Variants in TIAM1 observed in about 807,000 individuals in gnomAD.
TIAM1 encodes rho guanine nucleotide exchange factor TIAM1.
In TIAM1, 65 loss-of-function variants were observed where a neutral mutation model predicts 163.5. The observed-to-expected ratio is 0.40, with a 90% CI of 0.33 to 0.49. The LOEUF (loss-of-function observed/expected upper bound fraction) is 0.49. Among genes scored for constraint, TIAM1 ranks in the 20% least tolerant of loss-of-function variants. The pLI is 0.77. For missense variants in TIAM1, 1,789 were observed against 2,044.7 expected (o/e 0.87, Z 2.41); for synonymous variants, 833 against 810.1 (o/e 1.03, Z -0.48).
intron 1 of TIAM1, among the ~76,000 whole-genome samples, chr21:31,513,416 C>G (rs996694741): frequency 6.6e-6 from 1 of 152,118 alleles, no homozygotes; most frequent in Non-Finnish European, 1.5e-5. Flanking sequence ...TGCCCCTGTT[C>G]GCTATTAAGC....
At chr21:31,385,882 T>TCAA (rs2076861031) in intron 2 of TIAM1, among the ~76,000 whole-genome samples, 1 of 137,096 alleles carries the variant, frequency 7.3e-6, no homozygotes, top group African/African-American at 2.7e-5. Flanking sequence ...ATTATATTAG[T>TCAA]TAATATAATT....
chr21:31,468,259 G>A (rs1408166326), intron 1 of TIAM1, among the ~76,000 whole-genome samples: 1 of 151,650 alleles, frequency 6.6e-6, no homozygotes, highest in Non-Finnish European at 1.5e-5. Flanking sequence ...GCGGATCACT[G>A]GAGGTGAGGA....
At chr21:31,149,168 A>C (rs2083271437) in intron 19 of TIAM1, among the ~76,000 whole-genome samples, 1 of 152,216 alleles carries the variant, frequency 6.6e-6, no homozygotes, top group African/African-American at 2.4e-5. Flanking sequence ...AGCAAAGTGA[A>C]GGTATATGAA....
chr21:31,528,321 C>A (rs1021494574), intron 1 of TIAM1, among the ~76,000 whole-genome samples: 1 of 151,544 alleles, frequency 6.6e-6, no homozygotes, highest in African/African-American at 2.4e-5. Context: ...CCAAGACCAG[C>A]CTGAGCAACA....
At chr21:31,528,257 A>T (rs897864189) in intron 1 of TIAM1, among the ~76,000 whole-genome samples, 2 of 152,136 alleles carry the variant, frequency 1.3e-5, no homozygotes, top group Non-Finnish European at 2.9e-5. Flanking sequence ...GCTCATCCCT[A>T]TACTCCCAGC....
intron 2 of TIAM1, among the ~76,000 whole-genome samples, chr21:31,419,805 C>T (rs532070576): frequency 6.6e-6 from 1 of 152,308 alleles, no homozygotes; most frequent in East Asian, 1.9e-4. Context: ...AATCCCAGCA[C>T]TTTGGGAGGT....
At chr21:31,375,177 C>T (rs28464230) in intron 2 of TIAM1, among the ~76,000 whole-genome samples, 24,558 of 152,116 alleles carry the variant, frequency 0.16, 2,147 homozygotes, top group Middle Eastern at 0.34. Context: ...ATCCAGTATG[C>T]GGTTGGCTTT....
intron 10 of TIAM1, among the ~76,000 whole-genome samples, 187 bp from the exon 11 acceptor site, chr21:31,210,402 T>C (rs956634207): frequency 2.0e-5 from 3 of 150,766 alleles, no homozygotes; most frequent in African/African-American, 7.3e-5. Context: ...TATGGTGCAA[T>C]GGAGAGATTT....
At chr21:31,435,772 G>A (rs570908373) in intron 2 of TIAM1, among the ~76,000 whole-genome samples, 123 of 152,212 alleles carry the variant, frequency 8.1e-4, no homozygotes, top group Non-Finnish European at 1.6e-3. Flanking sequence ...AGGTAACTAG[G>A]TCAAGAGGGT....
rs775472863 is a variant in TIAM1 at position 31,127,069 on chromosome 21, A to G, written c.4129T>C (p.Cys1377Arg). Reference protein sequence around the residue: ...GRPERVFHLCCSSPESRKDFL... With the variant: ...GRPERVFHLCRSSPESRKDFL... Reference sequence around the variant, plus strand: ...ACTTTACAGGCCCAGGCTCACCTGCAGCACAAGTGAAAGACCCTCTCCGGC... The same window carrying G: ...ACTTTACAGGCCCAGGCTCACCTGCGGCACAAGTGAAAGACCCTCTCCGGC... The change falls in exon 26 of 28, where the codon TGC becomes CGC. Residue 1377 changes from cysteine (C) to arginine (R), a missense_variant. Coordinates refer to ENST00000541036, the MANE Select transcript of TIAM1 (RefSeq NM_001353694.2). 6.2e-7 allele frequency: 1 copy of G among 1,613,960 alleles called. No individual in the cohort carries two copies. The highest frequency in any genetic ancestry group is 1.1e-5 in the South Asian group (1 of 91,090).
At chr21:31,233,379 A>G (rs1222416791) in intron 6 of TIAM1, among the ~76,000 whole-genome samples, 1 of 152,192 alleles carries the variant, frequency 6.6e-6, no homozygotes, top group Non-Finnish European at 1.5e-5. Context: ...TTGTTTACAT[A>G]AGACTTATTT....
At chr21:31,255,237 A>C (rs1214940838) in intron 4 of TIAM1, among the ~76,000 whole-genome samples, 3 of 151,890 alleles carry the variant, frequency 2.0e-5, no homozygotes, top group Non-Finnish European at 2.9e-5. Flanking sequence ...ATCCAAGACA[A>C]CTCCACCTTG....
chr21:31,410,848 T>C (rs1211733434), intron 2 of TIAM1, among the ~76,000 whole-genome samples: 1 of 152,012 alleles, frequency 6.6e-6, no homozygotes, highest in Non-Finnish European at 1.5e-5. Flanking sequence ...ATAAATTACC[T>C]GGTGGTTTCC....
chr21:31,248,230 A>T (rs2071610664), intron 5 of TIAM1, among the ~76,000 whole-genome samples: 1 of 152,246 alleles, frequency 6.6e-6, no homozygotes, highest in African/African-American at 2.4e-5. Context: ...GAAGAGAGAA[A>T]GAAGCCTGTG....
chr21:31,292,347 T>A (rs543892111), intron 2 of TIAM1, among the ~76,000 whole-genome samples: 39 of 151,860 alleles, frequency 2.6e-4, no homozygotes, highest in African/African-American at 8.0e-4. Context: ...CTAATCCAGG[T>A]CAGGTCACCT....
intron 1 of TIAM1, among the ~76,000 whole-genome samples, chr21:31,514,424 T>C (rs1341571092): frequency 6.6e-6 from 1 of 151,886 alleles, no homozygotes; most frequent in Non-Finnish European, 1.5e-5. Context: ...ATCATATTGA[T>C]TTTTGAACTT....
At chr21:31,491,059 A>C (rs1360084824) in intron 1 of TIAM1, among the ~76,000 whole-genome samples, 1 of 152,192 alleles carries the variant, frequency 6.6e-6, no homozygotes, top group East Asian at 1.9e-4. Context: ...TGACCTAGGG[A>C]GTCGGAGGTT....
chr21:31,556,184 C>T (rs2048872172), intron 1 of TIAM1, among the ~76,000 whole-genome samples: 1 of 152,112 alleles, frequency 6.6e-6, no homozygotes, highest in Admixed American at 6.6e-5. Context: ...ATTCCCAGAA[C>T]AAGTACAAGA....
At chr21:31,235,709 T>C (rs1317841481) in intron 6 of TIAM1, among the ~76,000 whole-genome samples, 2 of 152,236 alleles carry the variant, frequency 1.3e-5, no homozygotes, top group Non-Finnish European at 1.5e-5. Context: ...ATTGATTTAA[T>C]ACAAATTTAA....
Sources: gnomAD v4.1 joint callset for allele counts (sites outside exome capture counted in the v4.1 genomes callset) on GRCh38, gnomAD v4.1.1 for gene constraint, MANE v1.5 for transcripts, NCBI Gene and HGNC (gene_info 2026-07-23, HGNC 2026-07-21) for gene names.